SVOP: variants seen among roughly 807,000 people sequenced by gnomAD.
The protein encoded by SVOP is synaptic vesicle 2-related protein.
A neutral mutation model predicts 69.1 loss-of-function variants in SVOP; 17 were observed. The ratio of observed to expected loss-of-function variants is 0.25; its 90% CI spans 0.17 to 0.37. The LOEUF (loss-of-function observed/expected upper bound fraction) is 0.37, where lower values mean the gene tolerates loss of function less well. Among genes scored for constraint, SVOP ranks in the 10% least tolerant of loss-of-function variants. The probability of loss-of-function intolerance (pLI) is 1.00; values close to 1 mark genes in which losing one functional copy is unlikely to be tolerated. For synonymous variants in SVOP, 238 were observed against 238.6 expected (o/e 1.00, Z 0.02); for missense variants, 435 against 597.5 (o/e 0.73, Z 2.84).
chr12:108,972,556 A>T, intron 4 of SVOP, 80 bp from the exon 5 acceptor site: 4 of 1,387,478 alleles, frequency 2.9e-6, no homozygotes, highest in Non-Finnish European at 4.0e-6. Context: ...GGAAGTGGTG[A>T]CGTCACCCTC....
chr12:108,973,042 G>T (rs2040087923), intron 4 of SVOP, among the ~76,000 whole-genome samples: 1 of 152,176 alleles, frequency 6.6e-6, no homozygotes. Flanking sequence ...AGATAGATTA[G>T]AAACCTGCTC....
chr12:108,916,176 T>G (rs2137385847), intron 14 of SVOP, among the ~76,000 whole-genome samples: 1 of 152,306 alleles, frequency 6.6e-6, no homozygotes, highest in East Asian at 1.9e-4. Context: ...CAGGGGTTGC[T>G]CTCTACCTTC....
At chr12:109,009,986 G>A (rs2040331524) in intron 1 of SVOP, among the ~76,000 whole-genome samples, 1 of 151,836 alleles carries the variant, frequency 6.6e-6, no homozygotes, top group Non-Finnish European at 1.5e-5. Context: ...GCCTGGGCAG[G>A]GTAGCTCACA....
At chr12:108,951,829 C>T (rs900741747) in intron 6 of SVOP, among the ~76,000 whole-genome samples, 3 of 152,216 alleles carry the variant, frequency 2.0e-5, no homozygotes, top group Admixed American at 6.5e-5. Flanking sequence ...CAATATTTTC[C>T]GTCCCGGTAT....
intron 1 of SVOP, 32 bp downstream of exon 1, chr12:109,020,802 G>T (rs565430029): frequency 7.4e-6 from 5 of 677,128 alleles, no homozygotes; most frequent in South Asian, 6.0e-5. Context: ...AAGAAAGCCT[G>T]TCTGCCTCTT....
chr12:108,912,434 T>G lies in SVOP; in HGVS notation c.*101A>C. 6.4e-7 allele frequency: 1 copy of G among 1,567,510 alleles called. No homozygotes were observed. The highest frequency in any genetic ancestry group is 8.7e-7 in the Non-Finnish European group (1 of 1,155,424). On this transcript the variant is annotated 3_prime_UTR_variant, in exon 16 of 16. Transcript: ENST00000610966. ...TGTTGGTCCAGGTCATACTCTTGGG[T>G]GAGTTCTTGATGTCGGCAGTGACAA...
intron 14 of SVOP, among the ~76,000 whole-genome samples, 155 bp downstream of exon 14, chr12:108,917,888 C>T (rs1053383820): frequency 5.3e-5 from 8 of 152,092 alleles, no homozygotes; most frequent in African/African-American, 1.9e-4. Context: ...TCAAGTGATC[C>T]TCCTGCCTCG....
At position 108,950,667 on chromosome 12, in the gene SVOP, G is replaced by A. The variant is rs148815902; in HGVS notation, c.579-5501C>T. Reference sequence around the variant, plus strand: ...TCTGAAGTGCTGGGATTGCAGGCATGAGCCACCATGCCCAGCTGAGCATTA... The same window carrying A: ...TCTGAAGTGCTGGGATTGCAGGCATAAGCCACCATGCCCAGCTGAGCATTA... On this transcript the variant is annotated intron_variant, in intron 6 of 15. Transcript: ENST00000610966. Among the ~76,000 whole-genome samples the A allele has an allele frequency of 2.5e-3, 379 of 152,330 alleles. 2 individuals carry two copies. The highest frequency in any genetic ancestry group is 8.9e-3 in the African/African-American group (372 of 41,576).
At chr12:108,940,967 T>G in intron 7 of SVOP, 58 bp from the exon 8 acceptor site, 1 of 1,506,826 alleles carries the variant, frequency 6.6e-7, no homozygotes. Context: ...CAGAGAGGAA[T>G]TATGGGGGCA....
chr12:108,926,216 G>A (rs1017693231), intron 11 of SVOP, among the ~76,000 whole-genome samples: 2 of 152,210 alleles, frequency 1.3e-5, no homozygotes, highest in Admixed American at 6.5e-5. Flanking sequence ...CACCACACCT[G>A]GGCTTGTTGC....
intron 8 of SVOP, among the ~76,000 whole-genome samples, chr12:108,939,252 T>C (rs2039874680): frequency 6.6e-6 from 1 of 152,200 alleles, no homozygotes; most frequent in Admixed American, 6.5e-5. Flanking sequence ...CCTAGTGCAG[T>C]GCCTGGTATG....
chr12:108,974,730 C>A (rs1161251473), intron 4 of SVOP, among the ~76,000 whole-genome samples: 4 of 148,958 alleles, frequency 2.7e-5, no homozygotes, highest in Non-Finnish European at 3.0e-5. Flanking sequence ...GACCCTATTT[C>A]AAAAAAAAAA....
chr12:108,958,303 C>CTT (rs755097672), intron 6 of SVOP, among the ~76,000 whole-genome samples: 6,261 of 108,468 alleles, frequency 0.058, 492 homozygotes, highest in African/African-American at 0.16. Context: ...CATGCCTGGC[C>CTT]TTTTTTTTTT....
In SVOP at chr12:108,957,443, C is replaced by T. The variant is rs146482261; in HGVS notation, c.578+3480G>A. On this transcript the variant is annotated intron_variant, in intron 6 of 15. Coordinates refer to ENST00000610966, the MANE Select transcript of SVOP (RefSeq NM_018711.5). ...CCTCCCAAAGTGCTGGGATTACAGA[C>T]GTGAGCCACCGTGCCCGGACCCATT... Among the ~76,000 whole-genome samples, 21 of 152,226 alleles carry T rather than the reference C, an allele frequency of 1.4e-4. No homozygotes were observed. In the East Asian group the frequency reaches 2.9e-3, roughly 21 times the overall value.
intron 11 of SVOP, among the ~76,000 whole-genome samples, chr12:108,933,184 T>G (rs937466306): frequency 3.3e-5 from 5 of 152,264 alleles, no homozygotes; most frequent in South Asian, 2.1e-4. Context: ...CTGCAACTTT[T>G]CAGCCTCTTT....
At chr12:108,983,518 A>G (rs1862273682) in intron 2 of SVOP, 83 bp downstream of exon 2, 2 of 398,346 alleles carry the variant, frequency 5.0e-6, no homozygotes, top group Non-Finnish European at 8.8e-6. Context: ...CTGCCCCTTC[A>G]CATTACCCCT....
intron 1 of SVOP, among the ~76,000 whole-genome samples, chr12:108,995,429 A>G (rs999433719): frequency 2.6e-5 from 4 of 152,162 alleles, no homozygotes; most frequent in Non-Finnish European, 5.9e-5. Context: ...GATTCTACCT[A>G]TGTGAGGGGA....
At chr12:108,974,464 A>G (rs2040095963) in intron 4 of SVOP, among the ~76,000 whole-genome samples, 1 of 152,206 alleles carries the variant, frequency 6.6e-6, no homozygotes, top group African/African-American at 2.4e-5. Context: ...GAATGTATGT[A>G]TTCTGTCACA....
At chr12:108,977,569 C>A in intron 3 of SVOP, 73 bp from the exon 4 acceptor site, 2 of 997,504 alleles carry the variant, frequency 2.0e-6, no homozygotes, top group South Asian at 2.8e-5. Flanking sequence ...AAGTCCATAA[C>A]CCCAGAGACA....
Sources: allele counts gnomAD v4.1 joint callset (sites outside exome capture counted in the v4.1 genomes callset), GRCh38; gene constraint gnomAD v4.1.1; transcripts MANE v1.5; gene names NCBI Gene and HGNC (gene_info 2026-07-23, HGNC 2026-07-21).